SCMH1: variants seen among roughly 807,000 people sequenced by gnomAD.
SCMH1 encodes the protein polycomb protein SCMH1.
In SCMH1, 37 loss-of-function variants were observed where a neutral mutation model predicts 70.8. The observed-to-expected ratio is 0.52, with a 90% confidence interval of 0.40 to 0.69. SCMH1 has a LOEUF of 0.69. SCMH1 is among the 30% of genes least tolerant of loss of function. SCMH1 has a pLI of 0.00. For synonymous variants in SCMH1, 292 were observed against 307.4 expected, an observed-to-expected ratio of 0.95 and a Z score of 0.52; for missense variants, 607 against 827.3, an observed-to-expected ratio of 0.73 and a Z score of 3.27.
intron 11 of SCMH1, among the ~76,000 whole-genome samples, chr1:41,047,853 T>C (rs1372085743): frequency 2.0e-5 from 3 of 152,226 alleles, no homozygotes; most frequent in Admixed American, 6.5e-5. Context: ...TCTTTTTCAC[T>C]GGTATGGAGC....
At chr1:41,080,993 TTACA>T (rs1659849003) in intron 8 of SCMH1, among the ~76,000 whole-genome samples, 1 of 152,128 alleles carries the variant, frequency 6.6e-6, no homozygotes, top group African/African-American at 2.4e-5. Flanking sequence ...ACATGATTGT[TTACA>T]TAAATATTCC....
intron 8 of SCMH1, among the ~76,000 whole-genome samples, chr1:41,103,655 A>T (rs193260059): frequency 6.6e-6 from 1 of 152,362 alleles, no homozygotes; most frequent in East Asian, 1.9e-4. Flanking sequence ...TATGAACTGC[A>T]TAAATCACAT....
At chr1:41,234,116 T>G (rs1661840492) in intron 1 of SCMH1, among the ~76,000 whole-genome samples, 1 of 152,142 alleles carries the variant, frequency 6.6e-6, no homozygotes, top group Admixed American at 6.6e-5. Flanking sequence ...ACCCTCTATC[T>G]GGTGAATTCC....
intron 8 of SCMH1, among the ~76,000 whole-genome samples, chr1:41,077,445 G>A (rs1658645090): frequency 6.6e-6 from 1 of 152,158 alleles, no homozygotes; most frequent in Non-Finnish European, 1.5e-5. Flanking sequence ...CTTTTAAAAG[G>A]CAGAATAAAA....
At chr1:41,066,918 T>G (rs985144033) in intron 10 of SCMH1, among the ~76,000 whole-genome samples, 1 of 152,102 alleles carries the variant, frequency 6.6e-6, no homozygotes, top group Non-Finnish European at 1.5e-5. Flanking sequence ...ACCCCTTTGG[T>G]TTCTTGCAAA....
At chr1:41,116,631 T>C (rs774344652) in intron 7 of SCMH1, among the ~76,000 whole-genome samples, 3 of 152,224 alleles carry the variant, frequency 2.0e-5, no homozygotes, top group Non-Finnish European at 4.4e-5. Flanking sequence ...AATAGCGCCT[T>C]TAGATTTGTA....
intron 2 of SCMH1, among the ~76,000 whole-genome samples, chr1:41,182,187 C>T (rs1034717408): frequency 2.6e-5 from 4 of 151,934 alleles, no homozygotes; most frequent in Non-Finnish European, 2.9e-5. Flanking sequence ...CATCACACAC[C>T]GGGGCCTGTT....
intron 8 of SCMH1, among the ~76,000 whole-genome samples, chr1:41,086,308 T>C (rs957102907): frequency 2.6e-5 from 4 of 151,782 alleles, no homozygotes; most frequent in African/African-American, 4.8e-5. Context: ...ACAGCCTTCA[T>C]ATATAGCAAA....
At chr1:41,031,524 T>C (rs372457023) in intron 13 of SCMH1, among the ~76,000 whole-genome samples, 1 of 152,172 alleles carries the variant, frequency 6.6e-6, no homozygotes, top group Non-Finnish European at 1.5e-5. Context: ...TTCAAGCTTA[T>C]AGTTGGGCAC....
intron 8 of SCMH1, among the ~76,000 whole-genome samples, chr1:41,106,570 A>G (rs745989477): frequency 6.6e-5 from 10 of 152,058 alleles, no homozygotes; most frequent in Middle Eastern, 3.4e-3. Flanking sequence ...CTCGATGCTC[A>G]TAAGGTAAAA....
intron 1 of SCMH1, among the ~76,000 whole-genome samples, chr1:41,199,391 C>A (rs1239534957): frequency 6.6e-6 from 1 of 152,100 alleles, no homozygotes; most frequent in African/African-American, 2.4e-5. Context: ...TAAATGAAAT[C>A]ATATCATATG....
intron 6 of SCMH1, among the ~76,000 whole-genome samples, chr1:41,123,091 T>C (rs139556399): frequency 1.3e-5 from 2 of 152,218 alleles, no homozygotes; most frequent in East Asian, 3.9e-4. Context: ...TGTGGTGGTG[T>C]GTGCTTGTAG....
chr1:41,218,515 T>A (rs1658566708), intron 1 of SCMH1, among the ~76,000 whole-genome samples: 1 of 152,148 alleles, frequency 6.6e-6, no homozygotes, highest in Admixed American at 6.5e-5. Context: ...AAGAAAAGAT[T>A]CTACCCAGAG....
intron 10 of SCMH1, among the ~76,000 whole-genome samples, chr1:41,059,058 C>T (rs1651645811): frequency 6.6e-6 from 1 of 152,188 alleles, no homozygotes; most frequent in Non-Finnish European, 1.5e-5. Flanking sequence ...AGGCTTTTTA[C>T]CTTTCCTTTG....
chr1:41,073,256 A>G (rs988371563), intron 9 of SCMH1, among the ~76,000 whole-genome samples: 1 of 152,176 alleles, frequency 6.6e-6, no homozygotes, highest in Non-Finnish European at 1.5e-5. Context: ...ATTTTGGGAT[A>G]GATTTAACTG....
intron 1 of SCMH1, among the ~76,000 whole-genome samples, chr1:41,189,272 C>T (rs1651056913): frequency 6.6e-6 from 1 of 152,196 alleles, no homozygotes; most frequent in South Asian, 2.1e-4. Flanking sequence ...GCCTCAGCCT[C>T]CTGAGTAGCT....
intron 1 of SCMH1, among the ~76,000 whole-genome samples, chr1:41,209,388 C>G (rs932244119): frequency 5.9e-5 from 9 of 152,182 alleles, no homozygotes; most frequent in African/African-American, 2.2e-4. Flanking sequence ...CATCCTGATA[C>G]CAAAGCCTGG....
chr1:41,070,632 A>G (rs1192753333), exon 10 of SCMH1: 3 of 1,614,124 alleles, frequency 1.9e-6, no homozygotes, highest in Non-Finnish European at 2.5e-6. Context: ...GGATGGTGGC[A>G]GCATCCTGGG....
intron 8 of SCMH1, among the ~76,000 whole-genome samples, chr1:41,090,454 G>A (rs1421552328): frequency 1.3e-5 from 2 of 151,922 alleles, no homozygotes; most frequent in Non-Finnish European, 2.9e-5. Flanking sequence ...CCAGACTCAT[G>A]GGATATGTAG....
Sources: allele counts gnomAD v4.1 joint callset (sites outside exome capture counted in the v4.1 genomes callset), GRCh38; gene constraint gnomAD v4.1.1; transcripts MANE v1.5; gene names NCBI Gene and HGNC (gene_info 2026-07-23, HGNC 2026-07-21).